TTC16: variants seen among roughly 807,000 people sequenced by gnomAD.
The protein encoded by TTC16 is tetratricopeptide repeat protein 16.
Under a neutral mutation model 80.4 loss-of-function variants are expected in TTC16, and 66 were observed. The ratio of observed to expected loss-of-function variants is 0.82; its 90% CI spans 0.67 to 1.01. The LOEUF (loss-of-function observed/expected upper bound fraction) is 1.01, where lower values mean the gene tolerates loss of function less well. Ranked by LOEUF, TTC16 falls within the 50% of genes least tolerant of loss-of-function variation. TTC16 has a pLI of 0.00. For missense variants in TTC16, 1,070 were observed against 1,103.2 expected (o/e 0.97, Z 0.43); for synonymous variants, 438 against 451.3 (o/e 0.97, Z 0.37).
chr9:127,721,544 G>A (rs967366030), intron 6 of TTC16, among the ~76,000 whole-genome samples: 3 of 151,974 alleles, frequency 2.0e-5, no homozygotes, highest in Non-Finnish European at 2.9e-5. Flanking sequence ...AAGCATCCTG[G>A]GTGCGGCCGA....
chr9:127,720,448 T>C (rs1843361079), intron 6 of TTC16, 53 bp downstream of exon 6: 1 of 1,604,872 alleles, frequency 6.2e-7, no homozygotes, highest in African/African-American at 1.3e-5. Context: ...GAGTCCTCAG[T>C]GTGCCCCAAG....
At chr9:127,724,933 G>A (rs1843811256) in intron 9 of TTC16, 36 bp downstream of exon 9, 1 of 1,459,084 alleles carries the variant, frequency 6.9e-7, no homozygotes, top group East Asian at 2.5e-5. Flanking sequence ...GGGCGGGGCA[G>A]GCCCGAGGGC....
intron 3 of TTC16, 56 bp from the exon 4 acceptor site, chr9:127,717,573 C>A: frequency 3.1e-6 from 5 of 1,597,410 alleles, no homozygotes; most frequent in Non-Finnish European, 4.3e-6. Context: ...CTTTCCCCTA[C>A]CCTCCAGGGG....
intron 13 of TTC16, chr9:127,730,330 CG>C (rs1464616084): frequency 3.5e-5 from 15 of 432,712 alleles, no homozygotes; most frequent in Non-Finnish European, 5.4e-5. Flanking sequence ...GGGTGCCAGG[CG>C]GGGGGACGCA....
Position 127,724,850 on chromosome 9 carries a change from C to T in TTC16, c.1212C>T (p.Arg404=), listed in dbSNP as rs761343766. Residue 404 remains arginine (R), a synonymous_variant, in exon 9 of 14, where the codon CGC becomes CGT. Coordinates refer to ENST00000373289, the MANE Select transcript of TTC16 (RefSeq NM_144965.3). The part of the protein sequence containing the change: ...LSPQDEGANT[R]MGLLQEKMGF... Reference sequence around the variant, plus strand: ...CTCAGGACGAGGGCGCCAACACGCGCATGGGCCTGCTGCAGGAGAAGATGG... The same window carrying T: ...CTCAGGACGAGGGCGCCAACACGCGTATGGGCCTGCTGCAGGAGAAGATGG... 2 of 1,591,116 alleles carry T rather than the reference C, an allele frequency of 1.3e-6. No homozygotes were observed. Among genetic ancestry groups the T allele is most frequent in the Non-Finnish European group, 1.7e-6 (2 of 1,170,256 alleles).
chr9:127,727,256 G>T lies in TTC16; in HGVS notation c.1569-14G>T, dbSNP rs1211518072. ...CAGGGAGACTGACAATACCTGGGGG[G>T]TATCGTTTGGCAGGATGCTTAAACG... On this transcript the variant is annotated splice_polypyrimidine_tract_variant and intron_variant, in intron 11 of 13. Coordinates refer to ENST00000373289, the MANE Select transcript of TTC16 (RefSeq NM_144965.3). 10 of 1,546,412 alleles carry T rather than the reference G, an allele frequency of 6.5e-6. No homozygotes were observed. In the Admixed American group the frequency reaches 1.7e-4, roughly 27 times the overall value.
intron 6 of TTC16, among the ~76,000 whole-genome samples, chr9:127,720,772 G>A (rs1023125323): frequency 8.3e-5 from 10 of 120,180 alleles, no homozygotes; most frequent in Non-Finnish European, 1.6e-4. Flanking sequence ...GGGCACCCAG[G>A]GCACCTAACA....
At chr9:127,716,289 G>C (rs1188001522) in intron 1 of TTC16, 126 bp downstream of exon 1, 24 of 1,386,642 alleles carry the variant, frequency 1.7e-5, no homozygotes, top group Non-Finnish European at 2.3e-5. Flanking sequence ...GAAGGCCCTG[G>C]CCGCCATGCC....
chr9:127,725,488 C>T (rs1242595870), intron 9 of TTC16, among the ~76,000 whole-genome samples: 3 of 127,304 alleles, frequency 2.4e-5, no homozygotes, highest in African/African-American at 5.8e-5. Flanking sequence ...GGCGTGAACC[C>T]GGGAGGTGGA....
At position 127,722,738 on chromosome 9, in the gene TTC16, C is replaced by A. The variant is rs1199095004; in HGVS notation, c.658-381C>A. 6.6e-6 allele frequency among the ~76,000 whole-genome samples: 1 copy of A among 152,024 alleles called. No individual in the cohort carries two copies. The highest frequency in any genetic ancestry group is 2.4e-5 in the African/African-American group (1 of 41,390). On this transcript the variant is annotated intron_variant, in intron 6 of 13. Transcript: ENST00000373289. The surrounding 1 kb of genome is among the most constrained non-coding windows in gnomAD (Gnocchi z 4.2). ...CGGGAGGCCAAGGTGGGCGGATCAC[C>A]TAAGGTCAGGAGTTTGAGACCAGCC...
chr9:127,722,823 C>T lies in TTC16; in HGVS notation c.658-296C>T, dbSNP rs370989664. Among the ~76,000 whole-genome samples the T allele has an allele frequency of 1.3e-5, 2 of 152,138 alleles. No homozygotes were observed. Among genetic ancestry groups the T allele is most frequent in the East Asian group, 3.9e-4 (2 of 5,180 alleles). On this transcript the variant is annotated intron_variant, in intron 6 of 13. Transcript: ENST00000373289. The surrounding 1 kb of genome is among the most constrained non-coding windows in gnomAD (Gnocchi z 4.2). ...AATAATACAAAAATACAAAAATTAG[C>T]CAGGTGTGGTGGCACGCACCTGTAG...
chr9:127,723,098 G>A (rs1843629048), intron 6 of TTC16, 21 bp from the exon 7 acceptor site: 2 of 1,605,328 alleles, frequency 1.2e-6, no homozygotes, highest in Non-Finnish European at 1.7e-6. Context: ...TGCCCCTGAT[G>A]CCACCCATGG....
chr9:127,717,528 T>C, intron 3 of TTC16, 101 bp from the exon 4 acceptor site: 2 of 1,570,888 alleles, frequency 1.3e-6, no homozygotes, highest in African/African-American at 1.3e-5. Context: ...AAGTCCCTGA[T>C]GGGAATTGGA....
At chr9:127,727,210 C>T in intron 11 of TTC16, 60 bp from the exon 12 acceptor site, 1 of 1,529,652 alleles carries the variant, frequency 6.5e-7, no homozygotes, top group Admixed American at 2.1e-5. Context: ...TTGTCTAGTC[C>T]TTGGAGAGAC....
chr9:127,720,062 T>C lies in TTC16; in HGVS notation c.427-16T>C, dbSNP rs760555686. On this transcript the variant is annotated splice_polypyrimidine_tract_variant and intron_variant, in intron 4 of 13. Transcript: ENST00000373289. ...CTGGGGTGGCAAGCAGAATTGACTG[T>C]CCCCTGTGTCCCCAGGGACAATGCC... 6.2e-7 allele frequency: 1 copy of C among 1,612,416 alleles called. No homozygotes were observed. The highest frequency in any genetic ancestry group is 1.1e-5 in the South Asian group (1 of 91,034).
chr9:127,717,563 C>G (rs1843142436), intron 3 of TTC16, 66 bp from the exon 4 acceptor site: 1 of 1,590,706 alleles, frequency 6.3e-7, no homozygotes, highest in East Asian at 2.2e-5. Context: ...GGGGTGGAGA[C>G]TTTCCCCTAC....
chr9:127,726,201 C>T (rs1843937287), intron 9 of TTC16, 38 bp from the exon 10 acceptor site: 2 of 1,507,620 alleles, frequency 1.3e-6, no homozygotes, highest in Admixed American at 2.0e-5. Flanking sequence ...CACAGATGGC[C>T]CAGCTCATAG....
chr9:127,729,501 C>G, intron 12 of TTC16, 80 bp from the exon 13 acceptor site: 1 of 1,197,582 alleles, frequency 8.4e-7, no homozygotes, highest in South Asian at 1.2e-5. Context: ...CACCGAGGGG[C>G]CCAGGGCTGC....
chr9:127,726,911 G>A (rs372632213), intron 10 of TTC16, 59 bp from the exon 11 acceptor site: 12 of 1,606,904 alleles, frequency 7.5e-6, no homozygotes, highest in Admixed American at 1.7e-5. Flanking sequence ...GGGCAGCATC[G>A]TGCTGTCTGT....
Sources: gnomAD v4.1 joint callset for allele counts (sites outside exome capture counted in the v4.1 genomes callset) on GRCh38, gnomAD v4.1.1 for gene constraint, Gnocchi (gnomAD v3.1) non-coding constraint, MANE v1.5 for transcripts, NCBI Gene and HGNC (gene_info 2026-07-23, HGNC 2026-07-21) for gene names.